KCNH5: variants seen among roughly 807,000 people sequenced by gnomAD.
KCNH5 encodes voltage-gated delayed rectifier potassium channel KCNH5.
A neutral mutation model predicts 96.1 loss-of-function variants in KCNH5; 46 were observed. That is an observed-to-expected ratio of 0.48 (90% confidence interval 0.38 to 0.61). The LOEUF is 0.61. Among genes scored for constraint, KCNH5 ranks in the 20% least tolerant of loss-of-function variants. The pLI is 0.00. For synonymous variants in KCNH5, 439 were observed against 449.8 expected (o/e 0.98, Z 0.30); for missense variants, 907 against 1,225.8 (o/e 0.74, Z 3.88).
rs368769148 is a variant in KCNH5, at chr14:62,942,207, T to C, written c.1369+7926A>G. On this transcript the variant is annotated intron_variant, in intron 7 of 10. Transcript: ENST00000322893. ...CAGCTCCATGCCATGGACAGGGGCATAAATGCACCAATAGAACCTTAGAAG... is the reference window on the plus strand; with the variant it reads ...CAGCTCCATGCCATGGACAGGGGCACAAATGCACCAATAGAACCTTAGAAG... 4.0e-4 allele frequency among the ~76,000 whole-genome samples: 61 copies of C among 152,274 alleles called. 4 individuals carry two copies. In the South Asian group the frequency reaches 8.3e-3, roughly 21 times the overall value.
chr14:62,947,808 TTTTATTTA>T (rs145127615), intron 7 of KCNH5, among the ~76,000 whole-genome samples: 1 of 151,316 alleles, frequency 6.6e-6, no homozygotes, highest in Admixed American at 6.6e-5. Flanking sequence ...GTACAATCTT[TTTTATTTA>T]TTTATTTATT....
intron 10 of KCNH5, among the ~76,000 whole-genome samples, chr14:62,721,269 C>G (rs550077510): frequency 6.6e-6 from 1 of 152,106 alleles, no homozygotes; most frequent in East Asian, 1.9e-4. Flanking sequence ...ATTTGAGGAC[C>G]CAAAGTTTGC....
intron 7 of KCNH5, among the ~76,000 whole-genome samples, chr14:62,887,690 G>A (rs900598280): frequency 4.6e-5 from 7 of 152,146 alleles, no homozygotes; most frequent in African/African-American, 1.4e-4. Flanking sequence ...ACATGTATGA[G>A]GTGGGGAGAA....
intron 7 of KCNH5, among the ~76,000 whole-genome samples, chr14:62,860,065 TGGATA>T (rs1888002916): frequency 6.6e-6 from 1 of 152,192 alleles, no homozygotes; most frequent in Admixed American, 6.5e-5. Flanking sequence ...ACTTTATGAC[TGGATA>T]GGTCAGAAAG....
chr14:62,938,476 A>G (rs1431870065), intron 7 of KCNH5, among the ~76,000 whole-genome samples: 2 of 152,228 alleles, frequency 1.3e-5, no homozygotes, highest in Non-Finnish European at 2.9e-5. Context: ...CTCTGGCCAT[A>G]TCAAAGAAAT....
chr14:62,876,557 A>C (rs1888376717), intron 7 of KCNH5, among the ~76,000 whole-genome samples: 1 of 152,248 alleles, frequency 6.6e-6, no homozygotes, highest in Non-Finnish European at 1.5e-5. Flanking sequence ...ATACACTACC[A>C]ACAAATAGTT....
intron 8 of KCNH5, among the ~76,000 whole-genome samples, chr14:62,807,886 C>T (rs1189132849): frequency 2.6e-5 from 4 of 152,056 alleles, no homozygotes; most frequent in African/African-American, 4.8e-5. Flanking sequence ...GTTAGGCCTC[C>T]TAAATGCTTC....
At chr14:62,872,885 T>A (rs1489745232) in intron 7 of KCNH5, among the ~76,000 whole-genome samples, 15 of 151,838 alleles carry the variant, frequency 9.9e-5, no homozygotes, top group African/African-American at 3.6e-4. Context: ...AAGAGAAGGC[T>A]CCCGCCTGTA....
chr14:62,801,362 C>T (rs1052360138), intron 9 of KCNH5, among the ~76,000 whole-genome samples: 45 of 129,198 alleles, frequency 3.5e-4, no homozygotes, highest in Non-Finnish European at 5.9e-4. Context: ...GCAATTCTAA[C>T]TTATTTTACC....
At chr14:62,835,591 G>C (rs958398986) in intron 8 of KCNH5, among the ~76,000 whole-genome samples, 4 of 151,966 alleles carry the variant, frequency 2.6e-5, no homozygotes, top group Non-Finnish European at 4.4e-5. Flanking sequence ...GTTGTAGATG[G>C]AAGTGTAAGC....
At chr14:62,769,340 A>G (rs1885936008) in intron 10 of KCNH5, among the ~76,000 whole-genome samples, 1 of 152,080 alleles carries the variant, frequency 6.6e-6, no homozygotes, top group African/African-American at 2.4e-5. Flanking sequence ...AGTCCTGATG[A>G]TCAATTGAGG....
At chr14:62,961,914 T>G (rs1465173195) in intron 6 of KCNH5, among the ~76,000 whole-genome samples, 1 of 146,632 alleles carries the variant, frequency 6.8e-6, no homozygotes. Flanking sequence ...CAGATGGAGA[T>G]GGAGATGGAG....
chr14:62,913,725 A>T (rs1339908246), intron 7 of KCNH5, among the ~76,000 whole-genome samples: 1 of 152,184 alleles, frequency 6.6e-6, no homozygotes, highest in Non-Finnish European at 1.5e-5. Flanking sequence ...ATACTAGAAG[A>T]AGCATTGTTT....
chr14:62,749,067 T>C (rs529211463), intron 10 of KCNH5, among the ~76,000 whole-genome samples: 1 of 152,284 alleles, frequency 6.6e-6, no homozygotes, highest in South Asian at 2.1e-4. Flanking sequence ...GCACTCGGCT[T>C]TGATCAAAGC....
chr14:62,985,048 C>G (rs759970510), intron 5 of KCNH5, among the ~76,000 whole-genome samples: 114 of 152,202 alleles, frequency 7.5e-4, no homozygotes, highest in Non-Finnish European at 9.9e-4. Flanking sequence ...TACATTTCAG[C>G]TTGATTTGCA....
chr14:62,783,486 T>G (rs1245001601), intron 9 of KCNH5, among the ~76,000 whole-genome samples: 1 of 152,246 alleles, frequency 6.6e-6, no homozygotes, highest in Non-Finnish European at 1.5e-5. Context: ...CATTTCTCTA[T>G]GATTCATTTC....
At chr14:62,807,864 A>T (rs1159718678) in intron 8 of KCNH5, among the ~76,000 whole-genome samples, 1 of 152,118 alleles carries the variant, frequency 6.6e-6, no homozygotes, top group African/African-American at 2.4e-5. Context: ...AATGTTGTAC[A>T]ATTTAAAGGT....
chr14:62,999,278 G>C (rs1487937730), intron 4 of KCNH5, among the ~76,000 whole-genome samples: 2 of 152,194 alleles, frequency 1.3e-5, no homozygotes, highest in African/African-American at 4.8e-5. Flanking sequence ...GCATTTCTCT[G>C]ATGGCCAATG....
At chr14:62,909,239 G>A (rs1447874477) in intron 7 of KCNH5, among the ~76,000 whole-genome samples, 1 of 150,596 alleles carries the variant, frequency 6.6e-6, no homozygotes, top group African/African-American at 2.4e-5. Flanking sequence ...TAGAGACGGG[G>A]TTTCACCGTT....
Sources: gnomAD v4.1 joint callset for allele counts (sites outside exome capture counted in the v4.1 genomes callset) on GRCh38, gnomAD v4.1.1 for gene constraint, MANE v1.5 for transcripts, NCBI Gene and HGNC (gene_info 2026-07-23, HGNC 2026-07-21) for gene names.